The following FGD3 variants were observed in gnomAD, a reference collection of about 807,000 sequenced individuals.
FGD3 encodes FYVE, RhoGEF and PH domain-containing protein 3.
In FGD3, 45 loss-of-function variants were observed where a neutral mutation model predicts 71.8. That is an observed-to-expected ratio of 0.63 (90% CI 0.49 to 0.80). The LOEUF (loss-of-function observed/expected upper bound fraction) is 0.80, where lower values mean the gene tolerates loss of function less well. Among genes scored for constraint, FGD3 ranks in the 30% least tolerant of loss-of-function variants. The probability of loss-of-function intolerance (pLI) is 0.00; values close to 1 mark genes in which losing one functional copy is unlikely to be tolerated. For missense variants in FGD3, 844 were observed against 951.5 expected, an observed-to-expected ratio of 0.89 and a Z score of 1.49; for synonymous variants, 378 against 392.8, an observed-to-expected ratio of 0.96 and a Z score of 0.44.
rs368337663 is a variant in FGD3, at chr9:93,035,296, G to A, written c.1927-42G>A. On this transcript the variant is annotated intron_variant, in intron 17 of 17. Transcript: ENST00000375482. ...CCATCACTGAGGTGAGCCCGAGGCCGGGAAGCTGTGGCCCCGCTGACCATC... is the reference window on the plus strand; with the variant it reads ...CCATCACTGAGGTGAGCCCGAGGCCAGGAAGCTGTGGCCCCGCTGACCATC... 29 of 1,585,814 alleles carry A rather than the reference G, an allele frequency of 1.8e-5. No individual in the cohort carries two copies. In the Admixed American group the frequency reaches 2.2e-4, roughly 12 times the overall value.
intron 1 of FGD3, among the ~76,000 whole-genome samples, chr9:92,958,357 A>G (rs1859103885): frequency 6.6e-6 from 1 of 152,224 alleles, no homozygotes; most frequent in African/African-American, 2.4e-5. Context: ...AGAGAAAAGT[A>G]CAGAGATTTC....
rs34469364 is a variant in FGD3 at position 92,956,834 on chromosome 9, C to CTTTTT, written c.-218+9108_-218+9109insTTTTT. On this transcript the variant is annotated intron_variant, in intron 1 of 17. Transcript: ENST00000375482. ...TGAGATCCATCCATATAATTGCTTTCTTTCTTTTTTTTTTTTTTTTTGAAG... is the reference window on the plus strand; with the variant it reads ...TGAGATCCATCCATATAATTGCTTTCTTTTTTTTCTTTTTTTTTTTTTTTTTGAAG... 1.4e-3 allele frequency among the ~76,000 whole-genome samples: 181 copies of CTTTTT among 127,740 alleles called. 6 individuals are homozygous for CTTTTT. Among genetic ancestry groups the CTTTTT allele is most frequent in the African/African-American group, 1.9e-3 (59 of 31,672 alleles). 83.8% of individuals were successfully genotyped at this position (127,740 alleles called of 152,430 possible). A position where few individuals can be genotyped will look rare whatever the true frequency, so the allele number is the denominator to read the frequency against.
chr9:92,973,454 A>T (rs1859611954), intron 1 of FGD3, among the ~76,000 whole-genome samples: 1 of 152,088 alleles, frequency 6.6e-6, no homozygotes, highest in Non-Finnish European at 1.5e-5. Context: ...GACTATGGGA[A>T]TTTTACCTTG....
At chr9:92,950,036 C>CT (rs35087926) in intron 1 of FGD3, among the ~76,000 whole-genome samples, 21 of 146,754 alleles carry the variant, frequency 1.4e-4, no homozygotes, top group Admixed American at 2.7e-4. Flanking sequence ...TTTCCTTCCT[C>CT]TTTTTTTTTT....
intron 1 of FGD3, among the ~76,000 whole-genome samples, chr9:92,966,384 T>A (rs77423762): frequency 0.018 from 2,807 of 152,322 alleles, 226 homozygotes; most frequent in Admixed American, 0.15. Context: ...CTGAGCTTGC[T>A]GCCTGCCGGT....
chr9:93,026,343 T>C (rs182528250), intron 14 of FGD3, among the ~76,000 whole-genome samples: 21 of 152,298 alleles, frequency 1.4e-4, no homozygotes, highest in Non-Finnish European at 1.3e-4. Flanking sequence ...GCTCCCTTTT[T>C]TGGGTCAACC....
intron 14 of FGD3, among the ~76,000 whole-genome samples, chr9:93,029,398 T>C (rs773230149): frequency 2.6e-5 from 4 of 152,174 alleles, no homozygotes; most frequent in Non-Finnish European, 5.9e-5. Context: ...TGCACACCTA[T>C]ATTCATCCAT....
chr9:92,999,668 G>A (rs10992572), intron 3 of FGD3, among the ~76,000 whole-genome samples: 81,777 of 149,532 alleles, frequency 0.55, 22,853 homozygotes, highest in African/African-American at 0.65. Context: ...ATCTCAGCTC[G>A]CTGTAACCTC....
At chr9:93,031,069 A>G (rs186984709) in intron 15 of FGD3, among the ~76,000 whole-genome samples, 83 of 151,164 alleles carry the variant, frequency 5.5e-4, no homozygotes, top group African/African-American at 1.8e-3. Flanking sequence ...GAATGGGTGG[A>G]TGGATGGATG....
At chr9:92,954,286 G>T (rs146203614) in intron 1 of FGD3, among the ~76,000 whole-genome samples, 360 of 152,288 alleles carry the variant, frequency 2.4e-3, no homozygotes, top group Non-Finnish European at 3.2e-3. Flanking sequence ...TGACTACTCT[G>T]GTCCCACCCA....
chr9:92,961,144 C>T (rs1214552949), intron 1 of FGD3, among the ~76,000 whole-genome samples: 1 of 152,158 alleles, frequency 6.6e-6, no homozygotes. Flanking sequence ...TGGCCATGGC[C>T]AGCTTTCCTG....
In FGD3 at chr9:92,976,219, C is replaced by T. The variant is rs1257621793; in HGVS notation, c.-38C>T. The T allele has an allele frequency of 6.8e-7, 1 of 1,480,360 alleles. No individual in the cohort carries two copies. Among genetic ancestry groups the T allele is most frequent in the East Asian group, 2.4e-5 (1 of 41,374 alleles). The allele number at this position is 1,480,360 out of a possible 1,614,324, so 91.7% of individuals were successfully genotyped here. A position where few individuals can be genotyped will look rare whatever the true frequency, so the allele number is the denominator to read the frequency against. On this transcript the variant is annotated 5_prime_UTR_variant, in exon 3 of 18. Transcript: ENST00000375482. ...TTTCTCCCCTACAGGAAGCCCCTGG[C>T]CAGCCTCCACCTGAGCCCAGTGAGC...
intron 6 of FGD3, among the ~76,000 whole-genome samples, chr9:93,008,993 G>A (rs1256653656): frequency 1.3e-5 from 2 of 150,922 alleles, no homozygotes; most frequent in African/African-American, 4.9e-5. Context: ...GGCCAGGCGC[G>A]ATGGCTCACG....
At chr9:92,984,443 G>T (rs1860115167) in intron 3 of FGD3, among the ~76,000 whole-genome samples, 1 of 152,106 alleles carries the variant, frequency 6.6e-6, no homozygotes, top group Admixed American at 6.6e-5. Flanking sequence ...TTGCTGTATG[G>T]GTCCTGTGAA....
chr9:92,963,417 A>G (rs978416680), intron 1 of FGD3, among the ~76,000 whole-genome samples: 1 of 152,066 alleles, frequency 6.6e-6, no homozygotes, highest in African/African-American at 2.4e-5. Context: ...CTCCCACCTC[A>G]GCCTCCTTAG....
intron 2 of FGD3, 150 bp downstream of exon 2, chr9:92,975,555 G>A (rs1859710287): frequency 1.3e-5 from 2 of 152,232 alleles, no homozygotes; most frequent in South Asian, 4.1e-4. Context: ...AATTTTCTGT[G>A]CACTTATAAT....
chr9:92,949,468 C>T (rs942327675), intron 1 of FGD3, among the ~76,000 whole-genome samples: 1 of 152,156 alleles, frequency 6.6e-6, no homozygotes, highest in Non-Finnish European at 1.5e-5. Context: ...CCTCATCATC[C>T]CTGCGTGTCC....
intron 3 of FGD3, among the ~76,000 whole-genome samples, chr9:92,988,033 GC>G (rs1860255939): frequency 6.6e-6 from 1 of 152,060 alleles, no homozygotes; most frequent in Non-Finnish European, 1.5e-5. Flanking sequence ...AGGATTTTTT[GC>G]TCCTTAGTTC....
chr9:93,004,230 G>A (rs1860965861), intron 5 of FGD3, 93 bp downstream of exon 5: 2 of 1,511,900 alleles, frequency 1.3e-6, no homozygotes, highest in South Asian at 1.2e-5. Context: ...CTGGGGGACT[G>A]TCTCATGGTG....
Sources: allele counts gnomAD v4.1 joint callset (sites outside exome capture counted in the v4.1 genomes callset), GRCh38; gene constraint gnomAD v4.1.1; transcripts MANE v1.5; gene names NCBI Gene and HGNC (gene_info 2026-07-23, HGNC 2026-07-21).